The following MPP4 variants were observed in gnomAD, a reference collection of about 807,000 sequenced individuals.
The protein encoded by MPP4 is MAGUK p55 subfamily member 4.
In MPP4, 91 loss-of-function variants were observed where a neutral mutation model predicts 98.3. The observed-to-expected ratio is 0.93, with a 90% CI of 0.78 to 1.10. MPP4 has a LOEUF of 1.10. Among genes scored for constraint, MPP4 ranks in the 50% least tolerant of loss-of-function variants. MPP4 has a pLI of 0.00. For missense variants in MPP4, 744 were observed against 792.9 expected (o/e 0.94, Z 0.74); for synonymous variants, 261 against 271.8 (o/e 0.96, Z 0.39).
chr2:201,696,619 G>A lies in MPP4; in HGVS notation c.-101+1968C>T, dbSNP rs562885028. Among the ~76,000 whole-genome samples the A allele has an allele frequency of 2.0e-5, 3 of 152,326 alleles. No individual in the cohort carries two copies. In the East Asian group the frequency reaches 5.8e-4, roughly 29 times the overall value. On this transcript the variant is annotated intron_variant, in intron 1 of 21. Transcript: ENST00000409474. ...CTGAGCTAGGCCTACCCATTCAGCA[G>A]TTGGGGGCACACACTAGAGACTACA...
chr2:201,645,494 G>A, intron 21 of MPP4, 90 bp from the exon 22 acceptor site: 1 of 1,080,342 alleles, frequency 9.3e-7, no homozygotes, highest in East Asian at 2.8e-5. Context: ...ATTCAGTTGT[G>A]AAACTATGTA....
At chr2:201,669,995 G>A (rs1264727957) in intron 11 of MPP4, among the ~76,000 whole-genome samples, 7 of 152,256 alleles carry the variant, frequency 4.6e-5, no homozygotes, top group Admixed American at 1.3e-4. Flanking sequence ...GGTAAATCCC[G>A]CCTTCTTCCA....
intron 13 of MPP4, 93 bp from the exon 14 acceptor site, chr2:201,664,194 T>A (rs1432241536): frequency 6.6e-7 from 1 of 1,504,154 alleles, no homozygotes; most frequent in Non-Finnish European, 9.0e-7. Flanking sequence ...TGGCCCCTAC[T>A]TCTGCCCATA....
intron 16 of MPP4, among the ~76,000 whole-genome samples, chr2:201,657,467 A>G (rs1390904085): frequency 6.6e-6 from 1 of 152,126 alleles, no homozygotes; most frequent in East Asian, 1.9e-4. Context: ...GTATGTCTAT[A>G]TATTGAAAAC....
At chr2:201,652,604 A>G (rs1687744598) in intron 18 of MPP4, among the ~76,000 whole-genome samples, 1 of 152,228 alleles carries the variant, frequency 6.6e-6, no homozygotes, top group Non-Finnish European at 1.5e-5. Context: ...CCATTCTCAC[A>G]TAATCATCAA....
Position 201,664,216 on chromosome 2 carries a change from TAA to T in MPP4, c.1052-117_1052-116del, listed in dbSNP as rs976766080. 2.7e-6 allele frequency: 4 copies of T among 1,497,268 alleles called. No homozygotes were observed. In the African/African-American group the frequency reaches 5.5e-5, roughly 21 times the overall value. The allele number at this position is 1,497,268 out of a possible 1,614,324, so 92.7% of individuals were successfully genotyped here. A position where few individuals can be genotyped will look rare whatever the true frequency, so the allele number is the denominator to read the frequency against. On this transcript the variant is annotated intron_variant, in intron 13 of 21. Transcript: ENST00000409474. ...TACTTCTGCCCATACACCACCTTTG[TAA>T]AGTTTTTTTCCTAAATCAAGGTCGA...
At chr2:201,691,474 T>C (rs998771456) in intron 3 of MPP4, among the ~76,000 whole-genome samples, 3 of 152,166 alleles carry the variant, frequency 2.0e-5, no homozygotes, top group African/African-American at 7.2e-5. Flanking sequence ...GTATAGTGCA[T>C]GGAATTTTAG....
chr2:201,647,312 G>A (rs1178601620), intron 21 of MPP4, among the ~76,000 whole-genome samples: 2 of 151,876 alleles, frequency 1.3e-5, no homozygotes, highest in African/African-American at 4.8e-5. Context: ...TTTCTGTTTG[G>A]CTTTGCAAAC....
intron 1 of MPP4, chr2:201,698,007 CTTGA>C: frequency 1.0e-6 from 1 of 985,352 alleles, no homozygotes; most frequent in Non-Finnish European, 1.2e-6. Context: ...AGTGAGAATT[CTTGA>C]TTGAGACTGC....
At position 201,681,005 on chromosome 2, in the gene MPP4, C is replaced by T. The variant is rs1431489098; in HGVS notation, c.762G>A (p.Trp254Ter). The T allele has an allele frequency of 1.2e-6, 2 of 1,613,224 alleles. No individual in the cohort carries two copies. The highest frequency in any genetic ancestry group is 3.3e-5 in the Admixed American group (2 of 59,968). ...AGGGGATGTCGGGATCCTCCTGGGG[C>T]CAGTACTCAGTCATGGCACGGACGT... The part of the protein sequence containing the change: ...MVYVRAMTEY[W>*]PQEDPDIPCM... Residue 254 changes from tryptophan to a stop codon, truncating the protein, a stop_gained, in exon 10 of 22, where the codon TGG becomes TGA. Coordinates refer to ENST00000409474, the MANE Select transcript of MPP4 (RefSeq NM_033066.3). LOFTEE classifies it high-confidence loss of function.
intron 15 of MPP4, 27 bp from the exon 16 acceptor site, chr2:201,658,545 GA>G (rs1687923665): frequency 1.3e-6 from 2 of 1,595,738 alleles, no homozygotes; most frequent in African/African-American, 1.3e-5. Context: ...AGATGGAGCA[GA>G]ATATGTGAGA....
intron 18 of MPP4, chr2:201,651,224 C>T (rs1559596286): frequency 1.0e-6 from 1 of 985,278 alleles, no homozygotes; most frequent in Non-Finnish European, 1.2e-6. Flanking sequence ...AGAAACCGGC[C>T]TTAAATTATC....
chr2:201,671,163 AGTTT>A (rs72496887), intron 11 of MPP4, among the ~76,000 whole-genome samples: 48,360 of 151,714 alleles, frequency 0.32, 8,982 homozygotes, highest in Non-Finnish European at 0.41. Flanking sequence ...TAGCTGGAGG[AGTTT>A]GTTTGTTTTT....
At chr2:201,667,529 C>A (rs1404445930) in intron 12 of MPP4, among the ~76,000 whole-genome samples, 1 of 152,146 alleles carries the variant, frequency 6.6e-6, no homozygotes, top group African/African-American at 2.4e-5. Flanking sequence ...ACATAGTGGG[C>A]AAATGATAAA....
Position 201,647,787 on chromosome 2 carries a change from A to G in MPP4, c.1623T>C (p.Tyr541=), listed in dbSNP as rs1424152400. ...TATTCGATGGCTTTATAAATATGAC[A>G]TAGGGCTTCAGTTCATGGGTTCGAA... is the stretch of plus-strand genomic sequence containing the variant. The part of the protein sequence containing the change: ...QGVRTHELKP[Y]VIFIKPSNMR... The change falls in exon 21 of 22, where the codon TAT becomes TAC. Residue 541 remains tyrosine, a synonymous_variant. Coordinates refer to ENST00000409474, the MANE Select transcript of MPP4 (RefSeq NM_033066.3). 3 of 1,613,886 alleles carry G rather than the reference A, an allele frequency of 1.9e-6. No homozygotes were observed. Among genetic ancestry groups the G allele is most frequent in the Admixed American group, 1.7e-5 (1 of 60,022 alleles).
At chr2:201,660,264 A>C (rs1687987009) in intron 15 of MPP4, 68 bp downstream of exon 15, 1 of 1,379,550 alleles carries the variant, frequency 7.2e-7, no homozygotes, top group East Asian at 2.3e-5. Context: ...TCAAGTATTC[A>C]TTTTTGAGGC....
At chr2:201,675,300 A>G (rs1463288706) in intron 10 of MPP4, 29 bp from the exon 11 acceptor site, 1 of 1,584,942 alleles carries the variant, frequency 6.3e-7, no homozygotes, top group Non-Finnish European at 8.6e-7. Flanking sequence ...CATGCGACAA[A>G]AAACAAACAA....
Position 201,685,952 on chromosome 2 carries a change from C to A in MPP4, c.459G>T (p.Arg153Ser), listed in dbSNP as rs918591629. 7 of 1,612,384 alleles carry A rather than the reference C, an allele frequency of 4.3e-6. No homozygotes were observed. The highest frequency in any genetic ancestry group is 3.4e-6 in the Non-Finnish European group (4 of 1,178,738). Residue 153 changes from arginine to serine, a missense_variant, in exon 6 of 22, where the codon AGG (arginine) becomes AGT (serine). Coordinates refer to ENST00000409474, the MANE Select transcript of MPP4 (RefSeq NM_033066.3). ...DNIPESEEAM[R>S]IVCLVKNQQP... is the part of the protein sequence containing the mutation. ...GTTGGTTTTTCACTAAACAAACAAT[C>A]CTCATTGCTTCCTCACTCTCAGGGA...
In MPP4 at chr2:201,682,904, G is replaced by A. The variant is rs1473963085; in HGVS notation, c.587C>T (p.Ala196Val). Residue 196 changes from alanine (A) to valine (V), a missense_variant, in exon 8 of 22, where the codon GCT (alanine) becomes GTT (valine). Ala to Val is a moderately conservative substitution (Grantham distance 64). Coordinates refer to ENST00000409474, the MANE Select transcript of MPP4 (RefSeq NM_033066.3). The part of the protein sequence containing the change: ...GLAERSGLLY[A>V]GDKLVEVNGV... ...ATTCACTTCTACCAGTTTGTCTCCA[G>A]CATATAGCAACCCTAGGCAGACAGT... The A allele has an allele frequency of 1.2e-6, 2 of 1,613,700 alleles. No homozygotes were observed. Among genetic ancestry groups the A allele is most frequent in the Non-Finnish European group, 1.7e-6 (2 of 1,179,750 alleles).
Sources: gnomAD v4.1 joint callset for allele counts (sites outside exome capture counted in the v4.1 genomes callset) on GRCh38, gnomAD v4.1.1 for gene constraint, MANE v1.5 for transcripts, NCBI Gene and HGNC (gene_info 2026-07-23, HGNC 2026-07-21) for gene names.